Variants in CPED1 observed in about 807,000 individuals in gnomAD.
The protein encoded by CPED1 is cadherin like and PC-esterase domain containing 1, also known as cadherin-like and PC-esterase domain-containing protein 1.
Under a neutral mutation model 128.2 loss-of-function variants are expected in CPED1, and 114 were observed. That is an observed-to-expected ratio of 0.89 (90% CI 0.76 to 1.04). The LOEUF is 1.04. Among genes scored for constraint, CPED1 ranks in the 50% least tolerant of loss-of-function variants. CPED1 has a pLI of 0.00. For synonymous variants in CPED1, 462 were observed against 426.7 expected, an observed-to-expected ratio of 1.08 and a Z score of -1.02; for missense variants, 1,211 against 1,207.1, an observed-to-expected ratio of 1.00 and a Z score of -0.05.
intron 2 of CPED1, among the ~76,000 whole-genome samples, chr7:121,000,251 C>A (rs1284382102): frequency 1.3e-5 from 2 of 152,098 alleles, no homozygotes; most frequent in Non-Finnish European, 2.9e-5. Context: ...CGTTCTGTGG[C>A]AGAAACTACA....
In CPED1 at chr7:121,289,593, A is replaced by C. The variant is rs74709538; in HGVS notation, c.2869-5847A>C. Among the ~76,000 whole-genome samples the C allele has an allele frequency of 5.3e-3, 813 of 152,234 alleles. 11 individuals carry two copies. Among genetic ancestry groups the C allele is most frequent in the African/African-American group, 0.018 (766 of 41,552 alleles). ...TTAAAAAATACTCAATTTTGTTTAT[A>C]TGGAACTGTTTTCATTGCACTACCT... On this transcript the variant is annotated intron_variant, in intron 22 of 22. Coordinates refer to ENST00000310396, the MANE Select transcript of CPED1 (RefSeq NM_024913.5).
chr7:121,198,417 T>G (rs1221145983), intron 16 of CPED1, among the ~76,000 whole-genome samples: 1 of 152,102 alleles, frequency 6.6e-6, no homozygotes, highest in African/African-American at 2.4e-5. Flanking sequence ...GATGAGTAAA[T>G]CAGATCCATT....
chr7:121,170,872 G>A (rs2116466909), intron 16 of CPED1, among the ~76,000 whole-genome samples: 1 of 152,080 alleles, frequency 6.6e-6, no homozygotes, highest in South Asian at 2.1e-4. Flanking sequence ...CCAACATGGT[G>A]AAACCTCATC....
At chr7:121,067,445 A>G (rs1416224538) in intron 5 of CPED1, among the ~76,000 whole-genome samples, 1 of 152,152 alleles carries the variant, frequency 6.6e-6, no homozygotes, top group Non-Finnish European at 1.5e-5. Flanking sequence ...ACATGAATTC[A>G]TCATTTTTTA....
chr7:121,113,518 C>T (rs543847347), intron 7 of CPED1, among the ~76,000 whole-genome samples: 1 of 152,274 alleles, frequency 6.6e-6, no homozygotes, highest in East Asian at 1.9e-4. Context: ...TTTACATTTG[C>T]TTTGCCAAGA....
intron 16 of CPED1, among the ~76,000 whole-genome samples, chr7:121,203,706 A>G (rs921654758): frequency 5.3e-5 from 8 of 152,242 alleles, no homozygotes; most frequent in Admixed American, 2.6e-4. Flanking sequence ...GGCCACTGAA[A>G]TTGTTAACAA....
intron 3 of CPED1, among the ~76,000 whole-genome samples, chr7:121,032,739 A>G (rs908365060): frequency 1.3e-5 from 2 of 152,030 alleles, no homozygotes; most frequent in African/African-American, 2.4e-5. Flanking sequence ...AAAAAAAAAC[A>G]ACACTTCTTA....
chr7:121,079,209 G>A (rs1794217709), intron 5 of CPED1, among the ~76,000 whole-genome samples: 1 of 152,156 alleles, frequency 6.6e-6, no homozygotes, highest in Non-Finnish European at 1.5e-5. Flanking sequence ...AGCCAGGGAT[G>A]GGTGGAGAAG....
intron 22 of CPED1, among the ~76,000 whole-genome samples, chr7:121,290,921 T>G (rs1451661300): frequency 6.6e-6 from 1 of 152,118 alleles, no homozygotes; most frequent in Non-Finnish European, 1.5e-5. Context: ...TCTTCTAGGG[T>G]TTTTATGGTT....
intron 12 of CPED1, among the ~76,000 whole-genome samples, chr7:121,132,712 C>G (rs1795700886): frequency 6.6e-6 from 1 of 152,030 alleles, no homozygotes; most frequent in South Asian, 2.1e-4. Context: ...GGATTTGAAA[C>G]AATGTATTCA....
At chr7:121,121,490 A>C (rs1795387624) in intron 7 of CPED1, among the ~76,000 whole-genome samples, 1 of 152,218 alleles carries the variant, frequency 6.6e-6, no homozygotes, top group South Asian at 2.1e-4. Flanking sequence ...GAAGGAAGAA[A>C]ATTTATAGTT....
At chr7:121,061,366 A>G (rs1227439290) in intron 4 of CPED1, among the ~76,000 whole-genome samples, 1 of 152,254 alleles carries the variant, frequency 6.6e-6, no homozygotes, top group Non-Finnish European at 1.5e-5. Flanking sequence ...ATGTCTGTGT[A>G]TAAATATACA....
chr7:121,103,970 A>G (rs1794912424), intron 7 of CPED1, among the ~76,000 whole-genome samples: 1 of 152,180 alleles, frequency 6.6e-6, no homozygotes, highest in Admixed American at 6.6e-5. Flanking sequence ...AATGGAAAAT[A>G]GAAGCTTTGT....
rs1265774874 is a variant in CPED1, at chr7:121,142,120, C to G, written c.2034C>G (p.Phe678Leu). 6.2e-7 allele frequency: 1 copy of G among 1,611,420 alleles called. No homozygotes were observed. Among genetic ancestry groups the G allele is most frequent in the Non-Finnish European group, 8.5e-7 (1 of 1,178,200 alleles). Residue 678 changes from phenylalanine (F) to leucine (L), a missense_variant, in exon 16 of 23, where the codon TTC (phenylalanine) becomes TTG (leucine). By Grantham distance (22) the Phe-to-Leu change is conservative. Coordinates refer to ENST00000310396, the MANE Select transcript of CPED1 (RefSeq NM_024913.5). ...DRPSLPLFEAFTACGFVQDCG... is the reference protein window; with the variant it reads ...DRPSLPLFEALTACGFVQDCG... Reference sequence around the variant, plus strand: ...CAAGTCTGCCCTTGTTTGAGGCCTTCACAGCATGTGGTTTTGTGCAGGTAA... The same window carrying G: ...CAAGTCTGCCCTTGTTTGAGGCCTTGACAGCATGTGGTTTTGTGCAGGTAA...
chr7:121,200,975 T>C (rs1797382594), intron 16 of CPED1, among the ~76,000 whole-genome samples: 1 of 152,074 alleles, frequency 6.6e-6, no homozygotes. Flanking sequence ...AAGAGAAGGT[T>C]AGATAGGGCA....
At chr7:121,107,254 T>A (rs13223036) in intron 7 of CPED1, among the ~76,000 whole-genome samples, 1 of 151,970 alleles carries the variant, frequency 6.6e-6, no homozygotes, top group Non-Finnish European at 1.5e-5. Flanking sequence ...TCCCTAAGAC[T>A]TTAACAACAA....
At chr7:121,094,799 C>G (rs1296288522) in intron 5 of CPED1, among the ~76,000 whole-genome samples, 2 of 152,078 alleles carry the variant, frequency 1.3e-5, no homozygotes, top group Non-Finnish European at 2.9e-5. Flanking sequence ...TCTAGCCAAC[C>G]AGATATTAAA....
chr7:121,260,789 G>A (rs1486224289), intron 18 of CPED1, among the ~76,000 whole-genome samples: 1 of 152,050 alleles, frequency 6.6e-6, no homozygotes, highest in Non-Finnish European at 1.5e-5. Flanking sequence ...TCAGTCTTGT[G>A]TTGAAATCTA....
chr7:121,039,668 T>C (rs1184567687), intron 3 of CPED1, among the ~76,000 whole-genome samples: 1 of 151,938 alleles, frequency 6.6e-6, no homozygotes, highest in Non-Finnish European at 1.5e-5. Flanking sequence ...TACCCACACA[T>C]GTATATAGTC....
Sources: gnomAD v4.1 joint callset for allele counts (sites outside exome capture counted in the v4.1 genomes callset) on GRCh38, gnomAD v4.1.1 for gene constraint, MANE v1.5 for transcripts, NCBI Gene and HGNC (gene_info 2026-07-23, HGNC 2026-07-21) for gene names.